Variants in LRP1B observed in about 807,000 individuals in gnomAD.
LRP1B encodes the protein LDL receptor related protein 1B.
LRP1B carries 217 observed loss-of-function variants against 556.6 expected under a neutral mutation model. That is an observed-to-expected ratio of 0.39 (90% CI 0.35 to 0.44). The LOEUF is 0.44. Ranked by LOEUF, LRP1B falls within the 20% of genes least tolerant of loss-of-function variation. LRP1B has a pLI of 1.00. For missense variants in LRP1B, 5,053 were observed against 5,620.8 expected, an observed-to-expected ratio of 0.90 and a Z score of 3.23; for synonymous variants, 2,047 against 1,865.8, an observed-to-expected ratio of 1.10 and a Z score of -2.50.
At chr2:140,912,703 T>C (rs1039259015) in intron 21 of LRP1B, among the ~76,000 whole-genome samples, 2 of 151,474 alleles carry the variant, frequency 1.3e-5, no homozygotes, top group African/African-American at 4.8e-5. Context: ...GAAAAGAAAA[T>C]AAGAATAGAT....
intron 2 of LRP1B, among the ~76,000 whole-genome samples, chr2:141,661,957 A>G (rs1690237617): frequency 6.6e-6 from 1 of 152,212 alleles, no homozygotes; most frequent in Non-Finnish European, 1.5e-5. Flanking sequence ...TACAAAGGAA[A>G]GTCTGTCAGA....
At chr2:141,194,161 A>T (rs1016783896) in intron 6 of LRP1B, among the ~76,000 whole-genome samples, 5 of 152,094 alleles carry the variant, frequency 3.3e-5, no homozygotes, top group African/African-American at 1.2e-4. Flanking sequence ...TCTACTTTGA[A>T]ACAGTTTTGC....
intron 54 of LRP1B, 62 bp from the exon 55 acceptor site, chr2:140,501,936 T>A (rs914725176): frequency 8.6e-7 from 1 of 1,163,912 alleles, no homozygotes; most frequent in Non-Finnish European, 1.2e-6. Flanking sequence ...ACTACAGTTG[T>A]TGAAAACATT....
intron 1 of LRP1B, among the ~76,000 whole-genome samples, chr2:142,118,615 A>C (rs1005082074): frequency 6.6e-6 from 1 of 152,148 alleles, no homozygotes; most frequent in African/African-American, 2.4e-5. Flanking sequence ...CTTATGAAAG[A>C]AAAAAGCCCT....
intron 46 of LRP1B, among the ~76,000 whole-genome samples, 169 bp from the exon 47 acceptor site, chr2:140,534,309 C>T (rs11695464): frequency 0.48 from 72,445 of 151,954 alleles, 17,869 homozygotes; most frequent in East Asian, 0.61. Flanking sequence ...TGTCAAAGAG[C>T]AGTTCATTCA....
At position 140,908,031 on chromosome 2, in the gene LRP1B, G is replaced by A. The variant is rs774268974; in HGVS notation, c.3366C>T (p.Cys1122=). The change falls in exon 22 of 91, where the codon TGC becomes TGT. Residue 1122 remains cysteine, a synonymous_variant. Transcript: ENST00000389484. ...KAWVCDGDID[C]EDQSDEDDCD... ...AGTCATCTTCATCTGACTGATCTTCGCAATCAATATCTCCATCACACACCC... is the reference window on the plus strand; with the variant it reads ...AGTCATCTTCATCTGACTGATCTTCACAATCAATATCTCCATCACACACCC... The A allele has an allele frequency of 1.9e-5, 31 of 1,613,214 alleles. No individual in the cohort carries two copies. The highest frequency in any genetic ancestry group is 6.7e-5 in the East Asian group (3 of 44,834).
chr2:141,988,029 C>T (rs1377769061), intron 1 of LRP1B, among the ~76,000 whole-genome samples: 1 of 151,796 alleles, frequency 6.6e-6, no homozygotes, highest in Non-Finnish European at 1.5e-5. Flanking sequence ...AGATCAATGT[C>T]ATTGATCAAT....
At chr2:140,258,545 C>G (rs1237626419) in intron 86 of LRP1B, among the ~76,000 whole-genome samples, 1 of 152,024 alleles carries the variant, frequency 6.6e-6, no homozygotes, top group Admixed American at 6.6e-5. Flanking sequence ...TATTGTTGGA[C>G]CCCTAGAAGT....
chr2:140,334,427 A>G, intron 79 of LRP1B, 26 bp downstream of exon 79: 1 of 1,371,620 alleles, frequency 7.3e-7, no homozygotes, highest in Non-Finnish European at 1.0e-6. Flanking sequence ...TCTGCTTCAT[A>G]TTTTAGCGTG....
At chr2:142,077,301 G>T (rs959435908) in intron 1 of LRP1B, among the ~76,000 whole-genome samples, 4 of 152,118 alleles carry the variant, frequency 2.6e-5, no homozygotes, top group African/African-American at 9.7e-5. Context: ...CTGAAAGTAA[G>T]AGAGGAGCTG....
intron 1 of LRP1B, among the ~76,000 whole-genome samples, chr2:142,079,449 T>C (rs1202310484): frequency 1.3e-5 from 2 of 152,186 alleles, no homozygotes; most frequent in East Asian, 3.9e-4. Context: ...CTTAACCAAG[T>C]ATTCAAAATG....
At chr2:141,946,602 T>G (rs897333458) in intron 1 of LRP1B, among the ~76,000 whole-genome samples, 1 of 152,084 alleles carries the variant, frequency 6.6e-6, no homozygotes, top group African/African-American at 2.4e-5. Context: ...GTGTGACAGG[T>G]GAAGGGGCTG....
At chr2:141,848,693 A>G (rs1478460320) in intron 1 of LRP1B, among the ~76,000 whole-genome samples, 1 of 151,616 alleles carries the variant, frequency 6.6e-6, no homozygotes, top group African/African-American at 2.4e-5. Context: ...ATTTATATAT[A>G]CACAAGCAAT....
At chr2:142,008,991 C>T (rs1204867148) in intron 1 of LRP1B, among the ~76,000 whole-genome samples, 1 of 151,924 alleles carries the variant, frequency 6.6e-6, no homozygotes, top group Non-Finnish European at 1.5e-5. Context: ...TCAGCAAAAC[C>T]ATGCACTGAA....
chr2:141,004,473 T>C (rs1484787152), intron 15 of LRP1B, among the ~76,000 whole-genome samples: 2 of 152,058 alleles, frequency 1.3e-5, no homozygotes, highest in South Asian at 2.1e-4. Flanking sequence ...CAGCACTTCC[T>C]GGGTCTGTCT....
chr2:141,146,875 T>C (rs1185502770), intron 7 of LRP1B, among the ~76,000 whole-genome samples: 1 of 152,166 alleles, frequency 6.6e-6, no homozygotes. Flanking sequence ...GCTGTGCTGG[T>C]TTCTCTCTAT....
At chr2:142,060,843 G>A (rs1238301923) in intron 1 of LRP1B, among the ~76,000 whole-genome samples, 1 of 152,004 alleles carries the variant, frequency 6.6e-6, no homozygotes, top group Non-Finnish European at 1.5e-5. Context: ...TCAATAAATA[G>A]TTATTGAGCA....
intron 1 of LRP1B, among the ~76,000 whole-genome samples, chr2:141,814,856 G>A (rs1370739737): frequency 1.3e-5 from 2 of 151,656 alleles, no homozygotes; most frequent in East Asian, 3.9e-4. Flanking sequence ...TGAGAAGAGG[G>A]TGGGGCATGA....
chr2:141,208,123 C>T (rs1226588629), intron 6 of LRP1B: 1 of 152,218 alleles, frequency 6.6e-6, no homozygotes, highest in Non-Finnish European at 1.5e-5. Flanking sequence ...CTGAGAATGT[C>T]TTTTATCTTC....
Sources: gnomAD v4.1 joint callset for allele counts (sites outside exome capture counted in the v4.1 genomes callset) on GRCh38, gnomAD v4.1.1 for gene constraint, MANE v1.5 for transcripts, NCBI Gene and HGNC (gene_info 2026-07-23, HGNC 2026-07-21) for gene names.